Variants in THEMIS observed in about 807,000 individuals in gnomAD.
THEMIS encodes the protein thymocyte selection associated.
Under a neutral mutation model 52.6 loss-of-function variants are expected in THEMIS, and 37 were observed. That is an observed-to-expected ratio of 0.70 (90% CI 0.54 to 0.93). The LOEUF (loss-of-function observed/expected upper bound fraction) is 0.93, where lower values mean the gene tolerates loss of function less well. Among genes scored for constraint, THEMIS ranks in the 40% least tolerant of loss-of-function variants. The pLI is 0.00. For synonymous variants in THEMIS, 292 were observed against 272.7 expected (o/e 1.07, Z -0.70); for missense variants, 808 against 763.1 (o/e 1.06, Z -0.69).
At chr6:127,760,882 G>T (rs1775999200) in intron 4 of THEMIS, among the ~76,000 whole-genome samples, 3 of 151,994 alleles carry the variant, frequency 2.0e-5, no homozygotes, top group African/African-American at 7.3e-5. Flanking sequence ...TATTGATATT[G>T]GTCTTAGCAA....
Position 127,813,065 on chromosome 6 carries a change from A to C in THEMIS, c.1576T>G (p.Phe526Val), listed in dbSNP as rs1188195309. 6.2e-7 allele frequency: 1 copy of C among 1,614,108 alleles called. No individual in the cohort carries two copies. Among genetic ancestry groups the C allele is most frequent in the Non-Finnish European group, 8.5e-7 (1 of 1,180,024 alleles). The change falls in exon 4 of 6, where the codon TTT (phenylalanine) becomes GTT (valine). Residue 526 changes from phenylalanine to valine, a missense_variant. Phe to Val is a conservative substitution (Grantham distance 50, BLOSUM62 -1). Transcript: ENST00000368248. ...VSNFSRDAEP[F>V]LVRTLVEEIT... is the part of the protein sequence containing the mutation. ...TCTTCTACCAGAGTCCTGACTAGAA[A>C]TGGTTCTGCATCCCTAGAGAAATTA...
chr6:127,891,351 T>C (rs111859125), intron 1 of THEMIS, among the ~76,000 whole-genome samples: 2,105 of 151,772 alleles, frequency 0.014, 45 homozygotes, highest in African/African-American at 0.048. Flanking sequence ...ATCAATATGG[T>C]GAAATCCTGT....
rs1388077146 is a variant in THEMIS, at chr6:127,829,937, A to G, written c.251-3T>C. 1.3e-6 allele frequency: 2 copies of G among 1,597,132 alleles called. No individual in the cohort carries two copies. Among genetic ancestry groups the G allele is most frequent in the Non-Finnish European group, 8.5e-7 (1 of 1,171,090 alleles). Reference sequence around the variant, plus strand: ...ATCAGCCACAATCTTAAAAAGACCTAAGAACAGAATTACGTGAATTAAAAA... The same window carrying G: ...ATCAGCCACAATCTTAAAAAGACCTGAGAACAGAATTACGTGAATTAAAAA... On this transcript the variant is annotated splice_region_variant and splice_polypyrimidine_tract_variant and intron_variant, in intron 2 of 5. Transcript: ENST00000368248.
At chr6:127,701,949 TG>T in the THEMIS span, among the ~76,000 whole-genome samples, 2 of 152,152 alleles carry the variant, frequency 1.3e-5, no homozygotes, top group South Asian at 2.1e-4. Flanking sequence ...CATTTTTTAT[TG>T]GACTTATATA....
At chr6:127,877,100 C>G (rs1329956683) in intron 1 of THEMIS, among the ~76,000 whole-genome samples, 1 of 152,080 alleles carries the variant, frequency 6.6e-6, no homozygotes, top group Non-Finnish European at 1.5e-5. Context: ...TTGCTAAAAA[C>G]TGCTAACAAT....
chr6:127,770,248 A>ATAC (rs1776338025), intron 4 of THEMIS, among the ~76,000 whole-genome samples: 1 of 152,178 alleles, frequency 6.6e-6, no homozygotes, highest in African/African-American at 2.4e-5. Context: ...AACGGTGTAA[A>ATAC]AGCATTCGTA....
At chr6:127,782,100 A>G (rs1182326143) in intron 4 of THEMIS, among the ~76,000 whole-genome samples, 1 of 152,118 alleles carries the variant, frequency 6.6e-6, no homozygotes. Context: ...TTACATTGTT[A>G]GGGGAAAACC....
At chr6:127,867,844 A>G (rs1780031211) in intron 1 of THEMIS, among the ~76,000 whole-genome samples, 1 of 152,146 alleles carries the variant, frequency 6.6e-6, no homozygotes, top group Admixed American at 6.6e-5. Context: ...ACCAAAGTTA[A>G]GAGGTCTGTT....
chr6:127,819,176 A>AAATAAAGTCTTT (rs1354902888), intron 3 of THEMIS, among the ~76,000 whole-genome samples: 1 of 151,222 alleles, frequency 6.6e-6, no homozygotes, highest in Non-Finnish European at 1.5e-5. Context: ...ACAGAAACAG[A>AAATAAAGTCTTT]AATAAAGTCT....
chr6:127,731,454 C>T (rs1428845880), intron 4 of THEMIS, among the ~76,000 whole-genome samples: 1 of 151,876 alleles, frequency 6.6e-6, no homozygotes, highest in East Asian at 1.9e-4. Context: ...TTTGTTCATA[C>T]AAACTATAAT....
At chr6:127,764,529 C>T (rs12205922) in intron 4 of THEMIS, among the ~76,000 whole-genome samples, 5,906 of 152,044 alleles carry the variant, frequency 0.039, 141 homozygotes, top group Middle Eastern at 0.058. Context: ...GGACACTAGG[C>T]TACAAACACC....
intron 4 of THEMIS, among the ~76,000 whole-genome samples, chr6:127,750,287 T>C (rs1775592791): frequency 6.6e-6 from 1 of 151,716 alleles, no homozygotes; most frequent in South Asian, 2.1e-4. Flanking sequence ...GAAAATGATA[T>C]GGTTTGCATT....
chr6:127,881,725 T>C (rs951646298), intron 1 of THEMIS, among the ~76,000 whole-genome samples: 19 of 151,972 alleles, frequency 1.3e-4, no homozygotes, highest in African/African-American at 4.6e-4. Flanking sequence ...TTGTTTTTAA[T>C]GCACCTGTTT....
chr6:127,829,582 G>A lies in THEMIS; in HGVS notation c.603C>T (p.Asn201=), dbSNP rs757020706. 8.7e-6 allele frequency: 14 copies of A among 1,613,994 alleles called. No homozygotes were observed. The highest frequency in any genetic ancestry group is 1.2e-5 in the Non-Finnish European group (14 of 1,179,948). Residue 201 remains asparagine, a synonymous_variant, in exon 3 of 6, where the codon AAC becomes AAT. Transcript: ENST00000368248. ...KIPKNRTRTV[N]LTDFSNKWDS... ...CCCACTTATTTGAAAAATCTGTAAG[G>A]TTTACAGTTCTTGTTCTGTTCTTAG...
At chr6:127,760,344 A>G (rs969527022) in intron 4 of THEMIS, among the ~76,000 whole-genome samples, 1 of 152,020 alleles carries the variant, frequency 6.6e-6, no homozygotes, top group Non-Finnish European at 1.5e-5. Flanking sequence ...TTCTTTCTCA[A>G]TAGTGATTTG....
chr6:127,852,785 A>C (rs996106275), intron 2 of THEMIS, among the ~76,000 whole-genome samples: 48 of 151,620 alleles, frequency 3.2e-4, no homozygotes, highest in African/African-American at 1.1e-3. Context: ...GATCCCTTTC[A>C]TCATTATCTA....
chr6:127,833,301 T>C (rs1435377242), intron 2 of THEMIS, among the ~76,000 whole-genome samples: 2 of 152,224 alleles, frequency 1.3e-5, no homozygotes, highest in Non-Finnish European at 2.9e-5. Flanking sequence ...GATTTGCAGT[T>C]GTTATTAACA....
intron 2 of THEMIS, among the ~76,000 whole-genome samples, chr6:127,831,980 A>G (rs1317963878): frequency 6.6e-6 from 1 of 152,138 alleles, no homozygotes; most frequent in Non-Finnish European, 1.5e-5. Flanking sequence ...TTTATTTCTA[A>G]GAGTCCACAA....
At chr6:127,879,941 C>T (rs1780429228) in intron 1 of THEMIS, among the ~76,000 whole-genome samples, 1 of 152,156 alleles carries the variant, frequency 6.6e-6, no homozygotes, top group Admixed American at 6.5e-5. Flanking sequence ...GAAGCCCACC[C>T]TGCCCAGACT....
Sources: allele counts gnomAD v4.1 joint callset (sites outside exome capture counted in the v4.1 genomes callset), GRCh38; gene constraint gnomAD v4.1.1; transcripts MANE v1.5; gene names NCBI Gene and HGNC (gene_info 2026-07-23, HGNC 2026-07-21).